The following BRINP3 variants were observed in gnomAD, a reference collection of about 807,000 sequenced individuals.
BRINP3 encodes the protein BMP/retinoic acid inducible neural specific 3, also known as BMP/retinoic acid-inducible neural-specific protein 3.
Under a neutral mutation model 71.0 loss-of-function variants are expected in BRINP3, and 19 were observed. That is an observed-to-expected ratio of 0.27 (90% CI 0.19 to 0.39). The LOEUF (loss-of-function observed/expected upper bound fraction) is 0.39, where lower values mean the gene tolerates loss of function less well. Among genes scored for constraint, BRINP3 ranks in the 10% least tolerant of loss-of-function variants. The probability of loss-of-function intolerance (pLI) is 1.00; values close to 1 mark genes in which losing one functional copy is unlikely to be tolerated. For synonymous variants in BRINP3, 380 were observed against 337.7 expected (o/e 1.13, Z -1.37); for missense variants, 959 against 940.8 (o/e 1.02, Z -0.25).
intron 6 of BRINP3, among the ~76,000 whole-genome samples, chr1:190,170,109 G>A (rs191566516): frequency 1.3e-3 from 204 of 152,216 alleles, no homozygotes; most frequent in South Asian, 2.1e-3. Flanking sequence ...CACTTAAAGA[G>A]TGCTTTTGTT....
intron 6 of BRINP3, among the ~76,000 whole-genome samples, chr1:190,181,317 T>C (rs188369073): frequency 6.6e-6 from 1 of 152,190 alleles, no homozygotes; most frequent in Admixed American, 6.5e-5. Flanking sequence ...ATAATTTACA[T>C]AATGAGGAAC....
At chr1:190,351,192 C>A in intron 2 of BRINP3, among the ~76,000 whole-genome samples, 1 of 152,000 alleles carries the variant, frequency 6.6e-6, no homozygotes, top group Admixed American at 6.6e-5. Context: ...AACCTTTTCT[C>A]ATTTTAGAGA....
intron 7 of BRINP3, among the ~76,000 whole-genome samples, chr1:190,130,101 G>A (rs542993735): frequency 1.3e-5 from 2 of 151,934 alleles, no homozygotes; most frequent in Non-Finnish European, 2.9e-5. Context: ...AAAAAAATTT[G>A]TCTGACTTTT....
chr1:190,158,981 C>T (rs1462670893), intron 7 of BRINP3, among the ~76,000 whole-genome samples: 2 of 151,776 alleles, frequency 1.3e-5, no homozygotes, highest in Non-Finnish European at 2.9e-5. Context: ...AGGGAACTTG[C>T]AATCAGAACA....
chr1:190,280,088 A>G (rs1266203365), intron 3 of BRINP3, among the ~76,000 whole-genome samples: 1 of 151,920 alleles, frequency 6.6e-6, no homozygotes, highest in African/African-American at 2.4e-5. Flanking sequence ...TAATTAAAAT[A>G]ATTTCACATG....
rs185136173 is a variant in BRINP3, at chr1:190,203,768, T to A, written c.961+22314A>T. Among the ~76,000 whole-genome samples the A allele has an allele frequency of 1.7e-3, 13 of 7,558 alleles. No individual in the cohort carries two copies. The South Asian group carries it at 0.02, about 12-fold the overall frequency. The allele number at this position is 7,558 out of a possible 152,430, so 5.0% of individuals were successfully genotyped here. A position where few individuals can be genotyped will look rare whatever the true frequency, so the allele number is the denominator to read the frequency against. On this transcript the variant is annotated intron_variant, in intron 6 of 7. Transcript: ENST00000367462. ...TAAAGAAAATATATATATATATATA[T>A]ATATATATATATATATATATATATA...
intron 2 of BRINP3, among the ~76,000 whole-genome samples, chr1:190,380,021 A>G (rs1670447856): frequency 2.4e-5 from 3 of 124,248 alleles, no homozygotes; most frequent in Admixed American, 1.8e-4. Flanking sequence ...AAGAAAAAAG[A>G]AAAAAGAAAA....
chr1:190,331,533 G>C (rs1666964731), intron 2 of BRINP3, among the ~76,000 whole-genome samples: 2 of 151,982 alleles, frequency 1.3e-5, no homozygotes, highest in Admixed American at 1.3e-4. Context: ...TTCATCCTCA[G>C]AAAGCACATA....
chr1:190,307,021 A>G (rs771570974), intron 2 of BRINP3, among the ~76,000 whole-genome samples: 1 of 151,880 alleles, frequency 6.6e-6, no homozygotes, highest in East Asian at 1.9e-4. Context: ...TGAGGAGCAC[A>G]TATTGTTTAA....
intron 3 of BRINP3, among the ~76,000 whole-genome samples, chr1:190,280,847 C>A (rs201830669): frequency 6.6e-6 from 1 of 151,814 alleles, no homozygotes; most frequent in Non-Finnish European, 1.5e-5. Context: ...ATATGTAATT[C>A]TGGGATATTT....
rs1180495019 is a variant in BRINP3 at position 190,476,741 on chromosome 1, T to C, written c.-51+707A>G. On this transcript the variant is annotated intron_variant, in intron 1 of 7. Transcript: ENST00000367462. ...TCCTCTCTGAAATGAGTACTCTGTG[T>C]CCAATTAACTGTTCACCAGCTAATT... Among the ~76,000 whole-genome samples, 4 of 152,170 alleles carry C rather than the reference T, an allele frequency of 2.6e-5. No individual in the cohort carries two copies. The East Asian group carries it at 7.7e-4, about 29-fold the overall frequency.
intron 2 of BRINP3, among the ~76,000 whole-genome samples, chr1:190,419,473 C>T (rs1222314002): frequency 6.6e-6 from 1 of 151,710 alleles, no homozygotes; most frequent in East Asian, 1.9e-4. Flanking sequence ...ACCTAATATA[C>T]CTAAACTTGG....
At chr1:190,155,276 C>CATA (rs1324330946) in intron 7 of BRINP3, among the ~76,000 whole-genome samples, 1 of 151,940 alleles carries the variant, frequency 6.6e-6, no homozygotes, top group Non-Finnish European at 1.5e-5. Flanking sequence ...TGAATAACTT[C>CATA]ATAATAATAA....
At chr1:190,318,071 T>A (rs1206567436) in intron 2 of BRINP3, among the ~76,000 whole-genome samples, 2 of 152,116 alleles carry the variant, frequency 1.3e-5, no homozygotes, top group African/African-American at 4.8e-5. Flanking sequence ...ACACCTTTCC[T>A]CTTTCTTTAT....
At chr1:190,174,412 G>A (rs913463944) in intron 6 of BRINP3, among the ~76,000 whole-genome samples, 21 of 151,812 alleles carry the variant, frequency 1.4e-4, no homozygotes, top group African/African-American at 4.6e-4. Flanking sequence ...AGATCCATAC[G>A]TATATATACA....
chr1:190,178,275 C>T (rs1165637800), intron 6 of BRINP3, among the ~76,000 whole-genome samples: 3 of 152,184 alleles, frequency 2.0e-5, no homozygotes, highest in East Asian at 3.9e-4. Flanking sequence ...TGCTTTGGTA[C>T]ACAATATGTT....
chr1:190,423,511 G>T (rs903287431), intron 2 of BRINP3, among the ~76,000 whole-genome samples: 2 of 151,714 alleles, frequency 1.3e-5, no homozygotes, highest in Non-Finnish European at 3.0e-5. Flanking sequence ...CTATGGCACT[G>T]GCAGCATACA....
chr1:190,099,183 T>C (rs555067902), intron 7 of BRINP3, 49 bp from the exon 8 acceptor site: 3 of 1,541,358 alleles, frequency 1.9e-6, no homozygotes, highest in South Asian at 1.2e-5. Context: ...AGATATTCTG[T>C]GTACTGCAGT....
chr1:190,129,090 C>A (rs1320276740), intron 7 of BRINP3, among the ~76,000 whole-genome samples: 1 of 151,762 alleles, frequency 6.6e-6, no homozygotes, highest in Non-Finnish European at 1.5e-5. Context: ...TACATATCTC[C>A]TTTTCCAAAG....
Sources: gnomAD v4.1 joint callset for allele counts (sites outside exome capture counted in the v4.1 genomes callset) on GRCh38, gnomAD v4.1.1 for gene constraint, MANE v1.5 for transcripts, NCBI Gene and HGNC (gene_info 2026-07-23, HGNC 2026-07-21) for gene names.